Variants in PVR observed in about 807,000 individuals in gnomAD.
The protein encoded by PVR is PVR cell adhesion molecule.
PVR carries 39 observed loss-of-function variants against 43.3 expected under a neutral mutation model. The observed-to-expected ratio is 0.90, with a 90% CI of 0.70 to 1.18. The LOEUF (loss-of-function observed/expected upper bound fraction) is 1.18, where lower values mean the gene tolerates loss of function less well. PVR is among the 50% of genes most tolerant of loss of function. The pLI is 0.00. For synonymous variants in PVR, 224 were observed against 233.2 expected, an observed-to-expected ratio of 0.96 and a Z score of 0.36; for missense variants, 480 against 549.7, an observed-to-expected ratio of 0.87 and a Z score of 1.27.
intron 5 of PVR, among the ~76,000 whole-genome samples, 200 bp downstream of exon 5, chr19:44,658,110 A>G (rs1027555932): frequency 6.6e-6 from 1 of 152,162 alleles, no homozygotes; most frequent in Non-Finnish European, 1.5e-5. Flanking sequence ...CTCCCTCCAC[A>G]CACACAGGTT....
At chr19:44,656,972 C>CA (rs1019335243) in intron 4 of PVR, among the ~76,000 whole-genome samples, 33 of 147,692 alleles carry the variant, frequency 2.2e-4, no homozygotes, top group Non-Finnish European at 4.3e-4. Flanking sequence ...GACGCTGTCT[C>CA]AAAAAAATAA....
At position 44,649,955 on chromosome 19, in the gene PVR, G is replaced by T. The variant is rs2123752891; in HGVS notation, c.574G>T (p.Val192Leu). Residue 192 changes from valine (V) to leucine (L), a missense_variant, in exon 3 of 8, where the codon GTG becomes TTG. By Grantham distance (32) the Val-to-Leu change is conservative. Coordinates refer to ENST00000425690, the MANE Select transcript of PVR (RefSeq NM_006505.5). ...GGGCGGGATGCCCAATACGAGCCAG[G>T]TGCCAGGGTTCCTGTCTGGCACAGT... ...DLGGMPNTSQ[V>L]PGFLSGTVTV... 1 of 1,609,366 alleles carries T rather than the reference G, an allele frequency of 6.2e-7. No homozygotes were observed. The highest frequency in any genetic ancestry group is 2.2e-5 in the East Asian group (1 of 44,734).
Position 44,653,924 on chromosome 19 carries a change from G to A in PVR, c.749G>A (p.Gly250Asp). 3 of 1,614,042 alleles carry A rather than the reference G, an allele frequency of 1.9e-6. No individual in the cohort carries two copies. Among genetic ancestry groups the A allele is most frequent in the Non-Finnish European group, 2.5e-6 (3 of 1,179,860 alleles). The change falls in exon 4 of 8, where the codon GGC (glycine) becomes GAC (aspartate). Residue 250 changes from glycine (G) to aspartate (D), a missense_variant. Coordinates refer to ENST00000425690, the MANE Select transcript of PVR (RefSeq NM_006505.5). ...GACCCCCCAGAGGTATCCATCTCTGGCTATGATAACAACTGGTACCTTGGC... is the reference window on the plus strand; with the variant it reads ...GACCCCCCAGAGGTATCCATCTCTGACTATGATAACAACTGGTACCTTGGC... ...VYYPPEVSIS[G>D]YDNNWYLGQN...
In PVR at chr19:44,661,778, T is replaced by C. The variant is rs1973598285; in HGVS notation, c.1221T>C (p.Ser407=). The C allele has an allele frequency of 6.2e-7, 1 of 1,614,024 alleles. No individual in the cohort carries two copies. The highest frequency in any genetic ancestry group is 8.5e-7 in the Non-Finnish European group (1 of 1,179,966). ...CAGCTGTGAGCAGAGAGAACAGCTC[T>C]TCCCAGGATCCACAGACAGAGGGCA... ...SYSAVSRENS[S]SQDPQTEGTR The change falls in exon 8 of 8, where the codon TCT becomes TCC. Residue 407 remains serine (S), a synonymous_variant. Coordinates refer to ENST00000425690, the MANE Select transcript of PVR (RefSeq NM_006505.5).
At chr19:44,657,213 G>A (rs1973468216) in intron 4 of PVR, among the ~76,000 whole-genome samples, 1 of 152,174 alleles carries the variant, frequency 6.6e-6, no homozygotes, top group African/African-American at 2.4e-5. Flanking sequence ...CCTAACTGGA[G>A]AGTTTGAGGA....
intron 3 of PVR, among the ~76,000 whole-genome samples, chr19:44,652,203 C>CTATT (rs1329763934): frequency 6.6e-6 from 1 of 152,006 alleles, no homozygotes; most frequent in Non-Finnish European, 1.5e-5. Context: ...ATTTATTTAT[C>CTATT]TATTTATTTA....
intron 4 of PVR, among the ~76,000 whole-genome samples, chr19:44,655,991 T>G (rs1407395541): frequency 2.7e-5 from 4 of 148,770 alleles, no homozygotes; most frequent in Non-Finnish European, 5.9e-5. Flanking sequence ...AGCTTCAGCC[T>G]CCCAGATAGC....
At chr19:44,656,649 A>G (rs902093547) in intron 4 of PVR, among the ~76,000 whole-genome samples, 4 of 152,198 alleles carry the variant, frequency 2.6e-5, no homozygotes, top group African/African-American at 9.7e-5. Flanking sequence ...TGCAATGGTG[A>G]TAAATACCAT....
In PVR at chr19:44,647,392, C is replaced by T; in HGVS notation, c.249C>T (p.Gly83=). The part of the protein sequence containing the change: ...GSMAVFHQTQ[G]PSYSESKRLE... Reference sequence around the variant, plus strand: ...TGGCCGTCTTCCACCAAACGCAGGGCCCCAGCTATTCGGAGTCCAAACGGC... The same window carrying T: ...TGGCCGTCTTCCACCAAACGCAGGGTCCCAGCTATTCGGAGTCCAAACGGC... The change falls in exon 2 of 8, where the codon GGC becomes GGT. Residue 83 remains glycine, a synonymous_variant. Transcript: ENST00000425690. 2 of 1,614,060 alleles carry T rather than the reference C, an allele frequency of 1.2e-6. No homozygotes were observed. Among genetic ancestry groups the T allele is most frequent in the Non-Finnish European group, 1.7e-6 (2 of 1,179,978 alleles).
rs1460564211 is a variant in PVR, at chr19:44,647,322, A to G, written c.179A>G (p.His60Arg). The G allele has an allele frequency of 6.2e-7, 1 of 1,611,110 alleles. No homozygotes were observed. The highest frequency in any genetic ancestry group is 2.2e-5 in the East Asian group (1 of 44,784). ...CAGGTGCCCAACATGGAGGTGACGCATGTGTCACAGCTGACTTGGGCGCGG... is the reference window on the plus strand; with the variant it reads ...CAGGTGCCCAACATGGAGGTGACGCGTGTGTCACAGCTGACTTGGGCGCGG... ...YLQVPNMEVTHVSQLTWARHG... is the reference protein window; with the variant it reads ...YLQVPNMEVTRVSQLTWARHG... Residue 60 changes from histidine to arginine, a missense_variant, in exon 2 of 8, where the codon CAT (histidine) becomes CGT (arginine). Physicochemically the swap from His to Arg is conservative, Grantham distance 29. Transcript: ENST00000425690.
Position 44,663,649 on chromosome 19 carries a change from C to G in PVR, c.*1838C>G, listed in dbSNP as rs2123775658. 6.6e-6 allele frequency: 1 copy of G among 152,198 alleles called. No individual in the cohort carries two copies. The highest frequency in any genetic ancestry group is 2.4e-5 in the African/African-American group (1 of 41,512). 9.4% of individuals were successfully genotyped at this position (152,198 alleles called of 1,614,324 possible). ...CAGACAGGTTTCATGTGTACTGTCA[C>G]CACGTGGGATGGAACCAGAGGCATG... is the stretch of plus-strand genomic sequence containing the variant. On this transcript the variant is annotated 3_prime_UTR_variant, in exon 8 of 8. Transcript: ENST00000425690.
chr19:44,663,780 C>T lies in PVR; in HGVS notation c.*1969C>T, dbSNP rs772108834. Among the ~76,000 whole-genome samples the T allele has an allele frequency of 2.6e-5, 4 of 151,824 alleles. No individual in the cohort carries two copies. Among genetic ancestry groups the T allele is most frequent in the Admixed American group, 6.6e-5 (1 of 15,226 alleles). The stretch of plus-strand genomic sequence containing the variant: ...CTCTCCAAAAAAAATGTTTAAGGGA[C>T]GGTGTCTCCTGTCACCCAGGCTGGA... On this transcript the variant is annotated 3_prime_UTR_variant, in exon 8 of 8. Coordinates refer to ENST00000425690, the MANE Select transcript of PVR (RefSeq NM_006505.5).
At chr19:44,652,851 A>G (rs994586024) in intron 3 of PVR, among the ~76,000 whole-genome samples, 1 of 152,188 alleles carries the variant, frequency 6.6e-6, no homozygotes, top group Non-Finnish European at 1.5e-5. Flanking sequence ...ACTTAACCCA[A>G]TATACCTAAA....
At chr19:44,661,667 G>C (rs1350094820) in intron 7 of PVR, 73 bp from the exon 8 acceptor site, 2 of 1,376,102 alleles carry the variant, frequency 1.5e-6, no homozygotes, top group African/African-American at 2.9e-5. Context: ...CTTTGCACAT[G>C]GGGCTTCAGT....
At chr19:44,648,743 G>C (rs887928398) in intron 2 of PVR, among the ~76,000 whole-genome samples, 1 of 152,180 alleles carries the variant, frequency 6.6e-6, no homozygotes, top group African/African-American at 2.4e-5. Context: ...CTCATGAAAT[G>C]TCAAGGGCTT....
chr19:44,646,351 G>C lies in PVR; in HGVS notation c.80-872G>C, dbSNP rs1973113544. Among the ~76,000 whole-genome samples, 4 of 152,168 alleles carry C rather than the reference G, an allele frequency of 2.6e-5. No individual in the cohort carries two copies. The South Asian group carries it at 8.3e-4, about 32-fold the overall frequency. On this transcript the variant is annotated intron_variant, in intron 1 of 7. Coordinates refer to ENST00000425690, the MANE Select transcript of PVR (RefSeq NM_006505.5). ...CAGAGTAATAATGCAGTGTTTCATG[G>C]ATTTGAAGACCCAAGATTTCTCCCC... is the stretch of plus-strand genomic sequence containing the variant.
intron 6 of PVR, among the ~76,000 whole-genome samples, chr19:44,660,709 A>T (rs376947649): frequency 3.9e-5 from 6 of 152,022 alleles, no homozygotes; most frequent in African/African-American, 1.4e-4. Context: ...TTTTTAGTAG[A>T]GATGGAGTTT....
At chr19:44,648,425 C>T (rs981475905) in intron 2 of PVR, among the ~76,000 whole-genome samples, 1 of 152,036 alleles carries the variant, frequency 6.6e-6, no homozygotes, top group African/African-American at 2.4e-5. Flanking sequence ...CAAGAAGTCT[C>T]TGTGCCTCAG....
rs780311156 is a variant in PVR, at chr19:44,653,900, A to T, written c.725A>T (p.Tyr242Phe). 1 of 1,605,658 alleles carries T rather than the reference A, an allele frequency of 6.2e-7. No homozygotes were observed. The highest frequency in any genetic ancestry group is 8.5e-7 in the Non-Finnish European group (1 of 1,172,690). Residue 242 changes from tyrosine (Y) to phenylalanine (F), a missense_variant and splice_region_variant, in exon 4 of 8, where the codon TAC becomes TTC. By Grantham distance (22) the Tyr-to-Phe change is conservative. Transcript: ENST00000425690. ...QLLTVNLTVYYPPEVSISGYD... is the reference protein window; with the variant it reads ...QLLTVNLTVYFPPEVSISGYD... ...GAACCTCTGTATCCATTTCCTGCAG[A>T]CCCCCCAGAGGTATCCATCTCTGGC... is the stretch of plus-strand genomic sequence containing the variant.
Sources: gnomAD v4.1 joint callset for allele counts (sites outside exome capture counted in the v4.1 genomes callset) on GRCh38, gnomAD v4.1.1 for gene constraint, MANE v1.5 for transcripts, NCBI Gene and HGNC (gene_info 2026-07-23, HGNC 2026-07-21) for gene names.